Variants in CEP350 observed in about 807,000 individuals in gnomAD.
The protein encoded by CEP350 is centrosomal protein 350, also known as centrosome-associated protein 350.
In CEP350, 126 loss-of-function variants were observed where a neutral mutation model predicts 331.8. That is an observed-to-expected ratio of 0.38 (90% CI 0.33 to 0.44). The LOEUF (loss-of-function observed/expected upper bound fraction) is 0.44. Ranked by LOEUF, CEP350 falls within the 20% of genes least tolerant of loss-of-function variation. CEP350 has a pLI of 1.00. For synonymous variants in CEP350, 1,200 were observed against 1,259.5 expected, an observed-to-expected ratio of 0.95 and a Z score of 1.00; for missense variants, 3,406 against 3,634.6, an observed-to-expected ratio of 0.94 and a Z score of 1.62.
chr1:180,037,513 C>T (rs1418060260), intron 17 of CEP350, among the ~76,000 whole-genome samples: 2 of 149,142 alleles, frequency 1.3e-5, no homozygotes, highest in Non-Finnish European at 3.0e-5. Flanking sequence ...CCTTAGCAAA[C>T]AAAAATCCAG....
intron 27 of CEP350, chr1:180,073,671 T>C (rs908365504): frequency 5.7e-6 from 4 of 697,048 alleles, no homozygotes; most frequent in South Asian, 5.5e-5. Flanking sequence ...GAGTCACTTA[T>C]AATGTTCTTC....
chr1:179,963,126 GT>G (rs1176260638), intron 1 of CEP350, among the ~76,000 whole-genome samples: 1 of 151,704 alleles, frequency 6.6e-6, no homozygotes, highest in Non-Finnish European at 1.5e-5. Context: ...AGAAGTATCC[GT>G]TTATGTCCAT....
At chr1:179,991,719 A>ATG (rs1653109401) in intron 4 of CEP350, among the ~76,000 whole-genome samples, 4 of 144,990 alleles carry the variant, frequency 2.8e-5, no homozygotes, top group Non-Finnish European at 6.1e-5. Context: ...ATATATATAT[A>ATG]TATATACATT....
intron 8 of CEP350, among the ~76,000 whole-genome samples, chr1:180,007,677 C>T (rs891201095): frequency 6.6e-6 from 1 of 152,070 alleles, no homozygotes; most frequent in African/African-American, 2.4e-5. Flanking sequence ...GAAGTCTTTG[C>T]CCGTGCCTAT....
chr1:179,996,878 A>C lies in CEP350; in HGVS notation c.721A>C (p.Asn241His), dbSNP rs768938042. 99 of 1,613,918 alleles carry C rather than the reference A, an allele frequency of 6.1e-5. No homozygotes were observed. Among genetic ancestry groups the C allele is most frequent in the Non-Finnish European group, 8.2e-5 (97 of 1,179,888 alleles). ...TGAGAATAATTTGAAGCTTTCTGTGAATAACATGGCCCATGATACTGATCC... is the reference window on the plus strand; with the variant it reads ...TGAGAATAATTTGAAGCTTTCTGTGCATAACATGGCCCATGATACTGATCC... ...GSENNLKLSV[N>H]NMAHDTDPKA... The change falls in exon 6 of 38, where the codon AAT becomes CAT. Residue 241 changes from asparagine to histidine, a missense_variant. By Grantham distance (68) the Asn-to-His change is moderately conservative. Coordinates refer to ENST00000367607, the MANE Select transcript of CEP350 (RefSeq NM_014810.5).
rs78820437 is a variant in CEP350 at position 179,971,286 on chromosome 1, C to T, written c.-13-14883C>T. Among the ~76,000 whole-genome samples, 17 of 152,178 alleles carry T rather than the reference C, an allele frequency of 1.1e-4. 1 individual carries two copies. The East Asian group carries it at 3.1e-3, about 28-fold the overall frequency. On this transcript the variant is annotated intron_variant, in intron 1 of 37. Coordinates refer to ENST00000367607, the MANE Select transcript of CEP350 (RefSeq NM_014810.5). ...GCAGGTGATCTGCCTGCCTCGACCT[C>T]CCAAAGTGCTGAGATTATAGGCGTG...
intron 37 of CEP350, among the ~76,000 whole-genome samples, chr1:180,106,880 C>T (rs1661177695): frequency 6.6e-6 from 1 of 151,926 alleles, no homozygotes. Flanking sequence ...CCAACCTGTG[C>T]TCAACCTGTG....
chr1:180,009,758 C>T (rs16855099), intron 8 of CEP350, among the ~76,000 whole-genome samples: 5,265 of 152,130 alleles, frequency 0.035, 168 homozygotes, highest in South Asian at 0.07. Flanking sequence ...GAGCAGTATA[C>T]GTAAAACCCT....
intron 21 of CEP350, among the ~76,000 whole-genome samples, chr1:180,047,775 A>AG (rs1407654764): frequency 6.8e-6 from 1 of 146,794 alleles, no homozygotes; most frequent in Non-Finnish European, 1.5e-5. Context: ...AAAAAAAAAA[A>AG]AAAGAAAAGA....
chr1:180,014,498 A>C lies in CEP350; in HGVS notation c.2045A>C (p.Glu682Ala). Reference sequence around the variant, plus strand: ...CCATCTCATCAACATGTTACGCAGGAAACACAGGTAATAGTAGTGACATAT... The same window carrying C: ...CCATCTCATCAACATGTTACGCAGGCAACACAGGTAATAGTAGTGACATAT... ...EEPSHQHVTQETQAKPGYQPS... is the reference protein window; with the variant it reads ...EEPSHQHVTQATQAKPGYQPS... The change falls in exon 10 of 38, where the codon GAA becomes GCA. Residue 682 changes from glutamate (E) to alanine (A), a missense_variant. Transcript: ENST00000367607. The C allele has an allele frequency of 6.2e-7, 1 of 1,601,270 alleles. No homozygotes were observed. The highest frequency in any genetic ancestry group is 8.5e-7 in the Non-Finnish European group (1 of 1,175,390).
chr1:179,988,798 T>G (rs1652837137), intron 3 of CEP350, among the ~76,000 whole-genome samples: 1 of 152,144 alleles, frequency 6.6e-6, no homozygotes, highest in Non-Finnish European at 1.5e-5. Context: ...TTCTGTCCTC[T>G]AATCTTTAGA....
chr1:180,110,930 C>A, intron 37 of CEP350, 67 bp from the exon 38 acceptor site: 2 of 1,388,170 alleles, frequency 1.4e-6, no homozygotes, highest in Non-Finnish European at 2.0e-6. Flanking sequence ...ACTACAAAGT[C>A]AGCAATTATA....
At chr1:180,017,758 C>G (rs1336427143) in intron 11 of CEP350, among the ~76,000 whole-genome samples, 1 of 152,144 alleles carries the variant, frequency 6.6e-6, no homozygotes, top group Non-Finnish European at 1.5e-5. Flanking sequence ...TTTGGCATTT[C>G]TTTTCCTTAC....
chr1:180,074,938 T>G, intron 27 of CEP350, 84 bp from the exon 28 acceptor site: 1 of 1,155,740 alleles, frequency 8.7e-7, no homozygotes, highest in Non-Finnish European at 1.2e-6. Flanking sequence ...AGCTTGTTGA[T>G]AAGGTGGTGA....
At chr1:180,016,078 G>T in intron 11 of CEP350, 108 bp downstream of exon 11, 2 of 1,306,424 alleles carry the variant, frequency 1.5e-6, no homozygotes, top group Non-Finnish European at 2.1e-6. Flanking sequence ...GGGCAGAGAG[G>T]TTTATTTACA....
intron 6 of CEP350, among the ~76,000 whole-genome samples, chr1:179,998,307 T>C (rs1322708577): frequency 1.2e-4 from 16 of 136,170 alleles, no homozygotes; most frequent in African/African-American, 3.5e-4. Context: ...TATTTTCTTT[T>C]TTTTTTTTTT....
At chr1:179,994,615 A>G (rs1376097506) in intron 5 of CEP350, among the ~76,000 whole-genome samples, 3 of 151,206 alleles carry the variant, frequency 2.0e-5, no homozygotes, top group Non-Finnish European at 4.4e-5. Flanking sequence ...CACCACTCCC[A>G]GCTAATTTTT....
At position 180,087,650 on chromosome 1, in the gene CEP350, C is replaced by A. The variant is rs560137757; in HGVS notation, c.6358C>A (p.Pro2120Thr). 1.2e-5 allele frequency: 19 copies of A among 1,572,110 alleles called. No homozygotes were observed. In the South Asian group the frequency reaches 2.0e-4, roughly 16 times the overall value. ...QDLETSPTAK[P>T]QIKTLSSASE... ...TTTGGAAACATCACCAACAGCCAAGCCTCAGATTAAAACGCTCTCCTCAGC... is the reference window on the plus strand; with the variant it reads ...TTTGGAAACATCACCAACAGCCAAGACTCAGATTAAAACGCTCTCCTCAGC... Residue 2120 changes from proline (P) to threonine (T), a missense_variant, in exon 32 of 38, where the codon CCT becomes ACT. This residue lies in a region of CEP350 where 1,415 missense variants were observed against 1,512.3 expected (regional missense o/e 0.94). Transcript: ENST00000367607.
intron 16 of CEP350, 61 bp downstream of exon 16, chr1:180,034,143 A>G (rs1558116148): frequency 2.7e-6 from 4 of 1,507,920 alleles, no homozygotes; most frequent in African/African-American, 1.4e-5. Context: ...TTCTCTCAAC[A>G]TTCCTTTTCT....
Sources: allele counts gnomAD v4.1 joint callset (sites outside exome capture counted in the v4.1 genomes callset), GRCh38; gene constraint gnomAD v4.1.1; regional missense constraint gnomAD v4.1.1; transcripts MANE v1.5; gene names NCBI Gene and HGNC (gene_info 2026-07-23, HGNC 2026-07-21).